CDKN2B-AS1: variants seen among roughly 807,000 people sequenced by gnomAD.
CDKN2B-AS1 encodes the protein CDKN2B antisense RNA 1 (non-protein coding).
At chr9:22,073,398 T>A (rs1824373401) in intron 4 of CDKN2B-AS1, among the ~76,000 whole-genome samples, 1 of 152,168 alleles carries the variant, frequency 6.6e-6, no homozygotes, top group African/African-American at 2.4e-5. Flanking sequence ...CTGGGAAGTA[T>A]GCAAAATTAG....
At chr9:22,092,226 G>C (rs1825117003) in intron 4 of CDKN2B-AS1, 1 of 152,170 alleles carries the variant, frequency 6.6e-6, no homozygotes, top group South Asian at 2.1e-4. Flanking sequence ...CAGTTTGCCA[G>C]TATTTTATTG....
At chr9:22,119,589 C>G (rs570310688) in intron 4 of CDKN2B-AS1, 20 of 152,312 alleles carry the variant, frequency 1.3e-4, no homozygotes, top group African/African-American at 4.8e-4. Context: ...AGTGTTTGTT[C>G]TCTATTATAC....
chr9:22,015,114 G>A (rs1318682320), intron 1 of CDKN2B-AS1, among the ~76,000 whole-genome samples: 2 of 151,714 alleles, frequency 1.3e-5, no homozygotes, highest in South Asian at 2.1e-4. Context: ...TAATCCTTTG[G>A]GTATATACCC....
intron 4 of CDKN2B-AS1, among the ~76,000 whole-genome samples, chr9:22,108,148 A>G (rs926145724): frequency 1.3e-5 from 2 of 152,156 alleles, no homozygotes; most frequent in Non-Finnish European, 2.9e-5. Context: ...TGTTTTCTTT[A>G]TAATAGAATT....
At chr9:22,082,880 G>A (rs1824745965) in intron 4 of CDKN2B-AS1, among the ~76,000 whole-genome samples, 1 of 152,118 alleles carries the variant, frequency 6.6e-6, no homozygotes, top group East Asian at 1.9e-4. Context: ...AAGAAATCTG[G>A]AAAGACAGGT....
intron 1 of CDKN2B-AS1, among the ~76,000 whole-genome samples, chr9:22,018,618 C>T (rs950906822): frequency 3.9e-5 from 6 of 152,130 alleles, no homozygotes; most frequent in Admixed American, 6.5e-5. Flanking sequence ...GGGCCACTGC[C>T]GTCCAGCCTG....
At chr9:22,055,401 C>T (rs1270811209) in intron 3 of CDKN2B-AS1, among the ~76,000 whole-genome samples, 1 of 152,044 alleles carries the variant, frequency 6.6e-6, no homozygotes, top group Non-Finnish European at 1.5e-5. Flanking sequence ...GTTGTTTTAT[C>T]CTTTGGGCTT....
chr9:22,108,227 G>T (rs999372706), intron 4 of CDKN2B-AS1, among the ~76,000 whole-genome samples: 3 of 152,092 alleles, frequency 2.0e-5, no homozygotes, highest in Admixed American at 1.3e-4. Context: ...TCTCCGAATG[G>T]GCTCTGGAGA....
intron 1 of CDKN2B-AS1, among the ~76,000 whole-genome samples, chr9:22,011,153 G>A (rs1373064827): frequency 1.3e-5 from 2 of 152,176 alleles, no homozygotes; most frequent in African/African-American, 2.4e-5. Flanking sequence ...GTCCTAACCA[G>A]CTCCAGACAG....
chr9:22,109,658 C>T (rs1036550901), intron 4 of CDKN2B-AS1, among the ~76,000 whole-genome samples: 1 of 152,120 alleles, frequency 6.6e-6, no homozygotes, highest in Non-Finnish European at 1.5e-5. Flanking sequence ...GCTGAGTTCT[C>T]TGAAATTACA....
chr9:22,022,190 G>A (rs1434164858), intron 1 of CDKN2B-AS1, among the ~76,000 whole-genome samples: 2 of 151,536 alleles, frequency 1.3e-5, no homozygotes, highest in Non-Finnish European at 2.9e-5. Flanking sequence ...CCAGTGTTGA[G>A]TTCAGGTCCT....
chr9:22,097,682 A>G (rs1055374927), intron 4 of CDKN2B-AS1, among the ~76,000 whole-genome samples: 1 of 152,200 alleles, frequency 6.6e-6, no homozygotes. Context: ...TGTCCTTTAA[A>G]GGTGAAGGCT....
rs183904104 is a variant in CDKN2B-AS1 at position 22,041,823 on chromosome 9, A to G, written n.30-4928A>G. On this transcript the variant is annotated intron_variant and non_coding_transcript_variant, in intron 1 of 4. Transcript: ENST00000650946. Reference sequence around the variant, plus strand: ...TGTTGTCTGTTTTGAAAAAAATTTCAGAAATCACCAGAAGCAATAGGGAGT... The same window carrying G: ...TGTTGTCTGTTTTGAAAAAAATTTCGGAAATCACCAGAAGCAATAGGGAGT... 1.3e-3 allele frequency among the ~76,000 whole-genome samples: 200 copies of G among 152,190 alleles called. 1 individual carries two copies. Among genetic ancestry groups the G allele is most frequent in the African/African-American group, 4.5e-3 (187 of 41,568 alleles).
At chr9:22,106,488 A>T (rs1432944182) in intron 4 of CDKN2B-AS1, among the ~76,000 whole-genome samples, 1 of 152,198 alleles carries the variant, frequency 6.6e-6, no homozygotes, top group East Asian at 1.9e-4. Flanking sequence ...AAGTGCTCGG[A>T]TTATAGGCAT....
chr9:22,082,291 C>G (rs1396888386), intron 4 of CDKN2B-AS1, among the ~76,000 whole-genome samples: 2 of 152,142 alleles, frequency 1.3e-5, no homozygotes, highest in Non-Finnish European at 2.9e-5. Flanking sequence ...CTCATTATTG[C>G]TCTTTATATA....
chr9:22,073,007 G>A (rs1321360624), intron 4 of CDKN2B-AS1, among the ~76,000 whole-genome samples: 2 of 152,154 alleles, frequency 1.3e-5, no homozygotes, highest in Non-Finnish European at 2.9e-5. Context: ...CACAATTGAT[G>A]TTGAAAGTTA....
chr9:22,029,691 T>G (rs1209987998), intron 1 of CDKN2B-AS1: 1 of 451,416 alleles, frequency 2.2e-6, no homozygotes, highest in East Asian at 3.3e-5. Context: ...TTTACATTAT[T>G]AGAAAATATT....
chr9:22,066,736 T>C (rs1367990422), intron 4 of CDKN2B-AS1, among the ~76,000 whole-genome samples: 1 of 151,960 alleles, frequency 6.6e-6, no homozygotes, highest in Non-Finnish European at 1.5e-5. Flanking sequence ...CATCGGGTCT[T>C]AGAAATTCTC....
intron 1 of CDKN2B-AS1, among the ~76,000 whole-genome samples, chr9:22,027,977 G>A (rs1822310376): frequency 6.6e-6 from 1 of 152,000 alleles, no homozygotes; most frequent in African/African-American, 2.4e-5. Flanking sequence ...TACAAGATCT[G>A]GCTTTTAAGA....
Sources: gnomAD v4.1 joint callset for allele counts (sites outside exome capture counted in the v4.1 genomes callset) on GRCh38, gnomAD v4.1.1 for gene constraint, MANE v1.5 for transcripts, NCBI Gene and HGNC (gene_info 2026-07-23, HGNC 2026-07-21) for gene names.